The following PLEKHH2 variants were observed in gnomAD, a reference collection of about 807,000 sequenced individuals.
The protein encoded by PLEKHH2 is pleckstrin homology, MyTH4 and FERM domain containing H2.
Under a neutral mutation model 187.9 loss-of-function variants are expected in PLEKHH2, and 129 were observed. The observed-to-expected ratio is 0.69, with a 90% confidence interval of 0.59 to 0.79. The LOEUF is 0.79. PLEKHH2 is among the 30% of genes least tolerant of loss of function. The pLI, the probability that PLEKHH2 is intolerant of heterozygous loss-of-function variation, is 0.00. For missense variants in PLEKHH2, 2,076 were observed against 1,751.2 expected, an observed-to-expected ratio of 1.19 and a Z score of -3.31; for synonymous variants, 686 against 605.6, an observed-to-expected ratio of 1.13 and a Z score of -1.95.
intron 13 of PLEKHH2, 27 bp downstream of exon 13, chr2:43,710,357 A>T: frequency 6.2e-7 from 1 of 1,605,306 alleles, no homozygotes; most frequent in South Asian, 1.1e-5. Flanking sequence ...TTCTGTTTAG[A>T]ACGTAATTCC....
At chr2:43,718,174 G>T (rs1346977511) in intron 15 of PLEKHH2, among the ~76,000 whole-genome samples, 2 of 152,158 alleles carry the variant, frequency 1.3e-5, no homozygotes, top group Admixed American at 6.5e-5. Context: ...ATTTGAGGTT[G>T]CCTTTAAATT....
chr2:43,690,180 C>G (rs573110860), intron 3 of PLEKHH2, among the ~76,000 whole-genome samples: 1 of 152,314 alleles, frequency 6.6e-6, no homozygotes, highest in South Asian at 2.1e-4. Flanking sequence ...GTTCAGCTGT[C>G]TGTCCTGCTT....
At chr2:43,667,314 T>C (rs1460198968) in intron 2 of PLEKHH2, among the ~76,000 whole-genome samples, 1 of 152,258 alleles carries the variant, frequency 6.6e-6, no homozygotes, top group Admixed American at 6.5e-5. Flanking sequence ...TATGAAAAAA[T>C]TGAAGGTCTC....
intron 2 of PLEKHH2, among the ~76,000 whole-genome samples, chr2:43,657,709 A>G (rs1666862151): frequency 6.6e-6 from 1 of 152,210 alleles, no homozygotes; most frequent in Non-Finnish European, 1.5e-5. Context: ...TTATCTTTTA[A>G]GTTTCACATG....
chr2:43,713,117 C>CACACACACAT (rs1670049333), intron 15 of PLEKHH2, among the ~76,000 whole-genome samples: 1 of 152,018 alleles, frequency 6.6e-6, no homozygotes, highest in African/African-American at 2.4e-5. Flanking sequence ...CACACACACA[C>CACACACACAT]GCATATATAT....
intron 2 of PLEKHH2, among the ~76,000 whole-genome samples, chr2:43,673,742 A>C (rs1191876269): frequency 2.0e-5 from 3 of 152,198 alleles, no homozygotes; most frequent in Admixed American, 2.0e-4. Context: ...TAGGGAGAGG[A>C]GACTCAGATA....
At chr2:43,654,956 G>A (rs1013089405) in intron 2 of PLEKHH2, among the ~76,000 whole-genome samples, 6 of 152,090 alleles carry the variant, frequency 3.9e-5, no homozygotes, top group Non-Finnish European at 8.8e-5. Context: ...GAACCTGGGA[G>A]ATGGAGGTTG....
rs114837996 is a variant in PLEKHH2, at chr2:43,756,444, C to T, written c.3796-675C>T. The stretch of plus-strand genomic sequence containing the variant: ...AGTAGCTGGGATTACAGGTGCCTGC[C>T]ACCACACCCGTCTGTTGCCTTTTAT... On this transcript the variant is annotated intron_variant, in intron 25 of 29. Transcript: ENST00000282406. 5.1e-3 allele frequency among the ~76,000 whole-genome samples: 774 copies of T among 152,168 alleles called. 7 individuals are homozygous for T. Among genetic ancestry groups the T allele is most frequent in the African/African-American group, 0.018 (728 of 41,510 alleles).
At chr2:43,713,875 G>A (rs1249484316) in intron 15 of PLEKHH2, among the ~76,000 whole-genome samples, 1 of 152,006 alleles carries the variant, frequency 6.6e-6, no homozygotes, top group African/African-American at 2.4e-5. Flanking sequence ...TGGGAATGTA[G>A]GTGGGTGTTA....
At position 43,758,955 on chromosome 2, in the gene PLEKHH2, GCTGA is replaced by G; in HGVS notation, c.4001_4004del (p.Asp1334ValfsTer6). 1.2e-6 allele frequency: 2 copies of G among 1,612,004 alleles called. No individual in the cohort carries two copies. The highest frequency in any genetic ancestry group is 1.7e-6 in the Non-Finnish European group (2 of 1,178,278). Reference sequence around the variant, plus strand: ...GATGGCCCTCCGGGGACACAGTGCTGCTGACTGTGTGCGCATTTATTTGACAGTA... The same window carrying G: ...GATGGCCCTCCGGGGACACAGTGCTGCTGTGTGCGCATTTATTTGACAGTA... On this transcript the variant is annotated frameshift_variant, in exon 27 of 30. Coordinates refer to ENST00000282406, the MANE Select transcript of PLEKHH2 (RefSeq NM_172069.4). LOFTEE classifies it high-confidence loss of function.
At chr2:43,733,252 A>T (rs1162336087) in intron 19 of PLEKHH2, among the ~76,000 whole-genome samples, 1 of 151,754 alleles carries the variant, frequency 6.6e-6, no homozygotes, top group Non-Finnish European at 1.5e-5. Context: ...AGTCCCAGCT[A>T]CTTGGGAGGC....
At chr2:43,683,241 G>A (rs1242085905) in intron 3 of PLEKHH2, among the ~76,000 whole-genome samples, 2 of 136,626 alleles carry the variant, frequency 1.5e-5, no homozygotes, top group Admixed American at 8.3e-5. Context: ...CGCCTCCCAC[G>A]TTCAAGCCAT....
intron 2 of PLEKHH2, among the ~76,000 whole-genome samples, chr2:43,655,208 T>TAATAAG (rs1330834902): frequency 6.6e-6 from 1 of 151,508 alleles, no homozygotes; most frequent in African/African-American, 2.4e-5. Flanking sequence ...ATAATAATAA[T>TAATAAG]AAAGGCCCGC....
At chr2:43,653,041 T>C (rs6756320) in intron 2 of PLEKHH2, among the ~76,000 whole-genome samples, 28,499 of 151,134 alleles carry the variant, frequency 0.19, 2,771 homozygotes, top group Middle Eastern at 0.29. Context: ...AGATGGAAAA[T>C]AGGAGAGAAA....
intron 16 of PLEKHH2, among the ~76,000 whole-genome samples, chr2:43,722,445 C>T (rs1241259767): frequency 6.6e-6 from 1 of 152,108 alleles, no homozygotes; most frequent in African/African-American, 2.4e-5. Flanking sequence ...GTCCTCGAGG[C>T]TTCACTGGGA....
Position 43,700,422 on chromosome 2 carries a change from T to A in PLEKHH2, c.1464T>A (p.Asp488Glu), listed in dbSNP as rs1174890493. The A allele has an allele frequency of 1.2e-6, 2 of 1,613,890 alleles. No individual in the cohort carries two copies. The highest frequency in any genetic ancestry group is 1.7e-6 in the Non-Finnish European group (2 of 1,179,976). The part of the protein sequence containing the change: ...MIRPLRPQET[D>E]LDLVDGDSTE... ...GACCACTGAGACCTCAGGAAACTGA[T>A]CTTGATCTAGTTGATGGAGACAGTA... The change falls in exon 8 of 30, where the codon GAT becomes GAA. Residue 488 changes from aspartate (D) to glutamate (E), a missense_variant. By Grantham distance (45) the Asp-to-Glu change is conservative. Transcript: ENST00000282406.
Position 43,703,359 on chromosome 2 carries a change from C to T in PLEKHH2, c.1651-622C>T, listed in dbSNP as rs139460285. ...AAAACAAAATAATCTACTTTTGGAA[C>T]AAGATAATATAAATTCCATTGCAAT... On this transcript the variant is annotated intron_variant, in intron 8 of 29. Coordinates refer to ENST00000282406, the MANE Select transcript of PLEKHH2 (RefSeq NM_172069.4). 2.6e-5 allele frequency among the ~76,000 whole-genome samples: 4 copies of T among 152,266 alleles called. No homozygotes were observed. The East Asian group carries it at 7.7e-4, about 29-fold the overall frequency.
At chr2:43,712,073 T>C (rs1669993330) in intron 14 of PLEKHH2, 152 bp from the exon 15 acceptor site, 1 of 1,278,748 alleles carries the variant, frequency 7.8e-7, no homozygotes, top group Non-Finnish European at 1.0e-6. Flanking sequence ...ATATTCTAAC[T>C]GATATGGAGT....
chr2:43,696,654 T>G (rs1391153828), intron 6 of PLEKHH2, among the ~76,000 whole-genome samples: 1 of 152,058 alleles, frequency 6.6e-6, no homozygotes. Context: ...AACCTCCCCA[T>G]CTACTTTTTT....
Sources: gnomAD v4.1 joint callset for allele counts (sites outside exome capture counted in the v4.1 genomes callset) on GRCh38, gnomAD v4.1.1 for gene constraint, MANE v1.5 for transcripts, NCBI Gene and HGNC (gene_info 2026-07-23, HGNC 2026-07-21) for gene names.